Variants in PLCB1 observed in about 807,000 individuals in gnomAD.
PLCB1 encodes the protein 1-phosphatidylinositol 4,5-bisphosphate phosphodiesterase beta-1.
A neutral mutation model predicts 161.8 loss-of-function variants in PLCB1; 46 were observed. That is an observed-to-expected ratio of 0.28 (90% CI 0.22 to 0.36). The LOEUF is 0.36. Among genes scored for constraint, PLCB1 ranks in the 10% least tolerant of loss-of-function variants. The pLI is 1.00. For synonymous variants in PLCB1, 517 were observed against 503.7 expected (o/e 1.03, Z -0.35); for missense variants, 1,016 against 1,472.5 (o/e 0.69, Z 5.07).
chr20:8,193,174 G>A (rs2051987748), intron 2 of PLCB1, among the ~76,000 whole-genome samples: 1 of 151,878 alleles, frequency 6.6e-6, no homozygotes, highest in Non-Finnish European at 1.5e-5. Flanking sequence ...TATTGCTGGT[G>A]GGAGTGTAAA....
At chr20:8,271,708 T>A (rs745837782) in intron 2 of PLCB1, among the ~76,000 whole-genome samples, 23 of 152,108 alleles carry the variant, frequency 1.5e-4, no homozygotes, top group Non-Finnish European at 3.2e-4. Flanking sequence ...TCTTTAAAAG[T>A]ATGTAAAATT....
chr20:8,285,014 G>A (rs775305001), intron 2 of PLCB1, among the ~76,000 whole-genome samples: 10 of 151,758 alleles, frequency 6.6e-5, no homozygotes, highest in Non-Finnish European at 1.3e-4. Flanking sequence ...TATTGTTATG[G>A]TATTTTTATT....
intron 2 of PLCB1, among the ~76,000 whole-genome samples, chr20:8,351,904 G>C (rs908440706): frequency 6.6e-6 from 1 of 151,838 alleles, no homozygotes; most frequent in Non-Finnish European, 1.5e-5. Context: ...TTGCAAAATG[G>C]GTATAATGAA....
chr20:8,649,350 T>A, intron 6 of PLCB1, 24 bp from the exon 7 acceptor site: 1 of 1,584,858 alleles, frequency 6.3e-7, no homozygotes, highest in Non-Finnish European at 8.7e-7. Flanking sequence ...TAAACCTCTC[T>A]CCTTTGTTGT....
intron 12 of PLCB1, among the ~76,000 whole-genome samples, chr20:8,712,316 AAAG>A (rs1979065843): frequency 6.6e-6 from 1 of 152,146 alleles, no homozygotes; most frequent in Admixed American, 6.5e-5. Context: ...ATTAATTAAA[AAAG>A]AAAGAAAAAA....
chr20:8,229,417 A>G (rs1056417229), intron 2 of PLCB1, among the ~76,000 whole-genome samples: 2 of 152,162 alleles, frequency 1.3e-5, no homozygotes, highest in Non-Finnish European at 2.9e-5. Flanking sequence ...AGCTTGGTTC[A>G]TAATTCAGGT....
At position 8,717,653 on chromosome 20, in the gene PLCB1, G is replaced by A. The variant is rs140846963; in HGVS notation, c.1336-18G>A. The A allele has an allele frequency of 3.2e-3, 5,148 of 1,588,160 alleles. 63 individuals are homozygous for A. In the East Asian group the frequency reaches 0.039, roughly 12 times the overall value. On this transcript the variant is annotated intron_variant, in intron 13 of 31. Transcript: ENST00000338037. ...AGGGAGCAGTATTTTTAAAGAATATGCCTTTCATTTCTATTAGCTGGAATC... is the reference window on the plus strand; with the variant it reads ...AGGGAGCAGTATTTTTAAAGAATATACCTTTCATTTCTATTAGCTGGAATC...
At chr20:8,322,090 C>T (rs1984945294) in intron 2 of PLCB1, among the ~76,000 whole-genome samples, 1 of 152,110 alleles carries the variant, frequency 6.6e-6, no homozygotes, top group Non-Finnish European at 1.5e-5. Flanking sequence ...TAGAATTCCC[C>T]AGCAGAACTG....
In PLCB1 at chr20:8,883,480, G is replaced by A. The variant is rs1988066436; in HGVS notation, c.*1631G>A. 6.6e-6 allele frequency: 1 copy of A among 152,030 alleles called. No homozygotes were observed. Among genetic ancestry groups the A allele is most frequent in the Non-Finnish European group, 1.5e-5 (1 of 67,974 alleles). 9.4% of individuals were successfully genotyped at this position (152,030 alleles called of 1,614,324 possible). A position where few individuals can be genotyped will look rare whatever the true frequency, so the allele number is the denominator to read the frequency against. On this transcript the variant is annotated 3_prime_UTR_variant, in exon 32 of 32. Transcript: ENST00000338037. ...TGAAGTTAAAACCCAGAAGCCAGAT[G>A]CTCACAGTTTTATTTTACTTTAAAA...
chr20:8,260,563 T>G (rs1041102567), intron 2 of PLCB1, among the ~76,000 whole-genome samples: 3 of 152,114 alleles, frequency 2.0e-5, no homozygotes, highest in Non-Finnish European at 2.9e-5. Context: ...CAGGATGGCC[T>G]GTGACCAGTG....
In PLCB1 at chr20:8,540,812, A is replaced by G. The variant is rs541055930; in HGVS notation, c.247-87482A>G. ...ACATTGTTAGACCTACAATTGATCT[A>G]TTGAAGTTAGGACTTATTTCTTGAC... On this transcript the variant is annotated intron_variant, in intron 3 of 31. Coordinates refer to ENST00000338037, the MANE Select transcript of PLCB1 (RefSeq NM_015192.4). Among the ~76,000 whole-genome samples the G allele has an allele frequency of 1.1e-4, 17 of 152,286 alleles. No individual in the cohort carries two copies. The South Asian group carries it at 1.9e-3, about 17-fold the overall frequency.
chr20:8,696,142 T>C (rs1294471684), intron 10 of PLCB1, among the ~76,000 whole-genome samples: 3 of 152,226 alleles, frequency 2.0e-5, no homozygotes, highest in Non-Finnish European at 2.9e-5. Flanking sequence ...TTAGCTCTTA[T>C]ATTTGTACAC....
intron 31 of PLCB1, among the ~76,000 whole-genome samples, chr20:8,879,906 C>T (rs370821221): frequency 6.6e-6 from 1 of 152,074 alleles, no homozygotes; most frequent in African/African-American, 2.4e-5. Context: ...AGGATCAAGA[C>T]AAAAAGTAGA....
At chr20:8,273,809 G>A (rs1288080728) in intron 2 of PLCB1, among the ~76,000 whole-genome samples, 3 of 152,132 alleles carry the variant, frequency 2.0e-5, no homozygotes, top group Non-Finnish European at 2.9e-5. Context: ...AAAATGTATG[G>A]TGTAAGTGCC....
At position 8,658,711 on chromosome 20, in the gene PLCB1, ACTTT is replaced by A. The variant is rs779176939; in HGVS notation, c.862+13_862+16del. ...AACAGCCTCGCCAGAAAAGGTCAGT[ACTTT>A]CTTTCACACCAAAGGGAAGCTCTTG... On this transcript the variant is annotated splice_region_variant and intron_variant, in intron 9 of 31. Transcript: ENST00000338037. 1.4e-5 allele frequency: 22 copies of A among 1,593,626 alleles called. No individual in the cohort carries two copies. The South Asian group carries it at 2.1e-4, about 15-fold the overall frequency.
At chr20:8,663,840 C>T (rs1989745200) in intron 9 of PLCB1, among the ~76,000 whole-genome samples, 1 of 152,068 alleles carries the variant, frequency 6.6e-6, no homozygotes. Context: ...TGCAATGACC[C>T]CTGCCTCTTC....
At chr20:8,647,645 G>A (rs1217289538) in intron 5 of PLCB1, among the ~76,000 whole-genome samples, 5 of 152,166 alleles carry the variant, frequency 3.3e-5, no homozygotes, top group Admixed American at 1.3e-4. Context: ...GCAAAAACAG[G>A]CAAAAGTAAT....
chr20:8,412,212 A>G (rs75374207), intron 3 of PLCB1, among the ~76,000 whole-genome samples: 3,124 of 152,302 alleles, frequency 0.021, 93 homozygotes, highest in African/African-American at 0.067. Flanking sequence ...AACAACATGC[A>G]TTTATTTTAT....
intron 3 of PLCB1, among the ~76,000 whole-genome samples, chr20:8,430,451 GCAGAT>G (rs1038211816): frequency 2.0e-5 from 3 of 149,836 alleles, no homozygotes; most frequent in African/African-American, 7.3e-5. Flanking sequence ...TCAGGAGACT[GCAGAT>G]CTCAGTGTTA....
Sources: gnomAD v4.1 joint callset for allele counts (sites outside exome capture counted in the v4.1 genomes callset) on GRCh38, gnomAD v4.1.1 for gene constraint, MANE v1.5 for transcripts, NCBI Gene and HGNC (gene_info 2026-07-23, HGNC 2026-07-21) for gene names.